The following TTC28 variants were observed in gnomAD, a reference collection of about 807,000 sequenced individuals.
TTC28 encodes the protein tetratricopeptide repeat protein 28.
Under a neutral mutation model 198.0 loss-of-function variants are expected in TTC28, and 61 were observed. The ratio of observed to expected loss-of-function variants is 0.31; its 90% CI spans 0.25 to 0.38. The LOEUF is 0.38. Ranked by LOEUF, TTC28 falls within the 10% of genes least tolerant of loss-of-function variation. The pLI, the probability that TTC28 is intolerant of heterozygous loss-of-function variation, is 1.00. For synonymous variants in TTC28, 1,171 were observed against 1,297.8 expected (o/e 0.90, Z 2.10); for missense variants, 2,678 against 3,164.0 (o/e 0.85, Z 3.69).
chr22:28,615,714 A>G (rs2050893821), intron 2 of TTC28, among the ~76,000 whole-genome samples: 1 of 134,184 alleles, frequency 7.5e-6, no homozygotes, highest in South Asian at 2.5e-4. Context: ...CAAAGACCAC[A>G]TGTTTGCACT....
intron 2 of TTC28, among the ~76,000 whole-genome samples, chr22:28,375,946 C>A (rs1182557652): frequency 6.6e-6 from 1 of 152,144 alleles, no homozygotes; most frequent in Admixed American, 6.5e-5. Context: ...GGTTCTTAGG[C>A]CTTTAGCCTT....
At chr22:28,162,955 G>T in intron 6 of TTC28, 137 bp downstream of exon 6, 1 of 1,224,656 alleles carries the variant, frequency 8.2e-7, no homozygotes, top group South Asian at 1.6e-5. Flanking sequence ...AAAAGAAAAG[G>T]AAAAGAAAAG....
At chr22:28,181,389 T>C (rs183877775) in intron 5 of TTC28, among the ~76,000 whole-genome samples, 108 of 152,318 alleles carry the variant, frequency 7.1e-4, no homozygotes, top group Admixed American at 1.2e-3. Flanking sequence ...GTGCAATTTA[T>C]AGGTCATAAG....
intron 1 of TTC28, among the ~76,000 whole-genome samples, chr22:28,642,409 T>A (rs1225043055): frequency 6.9e-6 from 1 of 145,504 alleles, no homozygotes; most frequent in Admixed American, 6.9e-5. Flanking sequence ...GAATAGATAA[T>A]AACAGTATAA....
At chr22:28,134,714 A>C (rs1279074400) in intron 6 of TTC28, among the ~76,000 whole-genome samples, 4 of 152,070 alleles carry the variant, frequency 2.6e-5, no homozygotes, top group African/African-American at 9.7e-5. Context: ...GACCAAATCT[A>C]CGTCTGACTG....
chr22:28,259,577 T>C (rs1034280784), intron 5 of TTC28, among the ~76,000 whole-genome samples: 4 of 152,052 alleles, frequency 2.6e-5, no homozygotes, highest in Admixed American at 2.0e-4. Context: ...GTATGGACTA[T>C]TGTAGATAAC....
Position 28,659,986 on chromosome 22 carries a change from G to T in TTC28, c.102+19636C>A, listed in dbSNP as rs543710001. ...ACTAATTTTTGTATTTTGGAGATGG[G>T]GTTTCATCATGTTGCCCAGGCTGAC... On this transcript the variant is annotated intron_variant, in intron 1 of 22. Transcript: ENST00000397906. 4.6e-5 allele frequency among the ~76,000 whole-genome samples: 7 copies of T among 151,442 alleles called. No individual in the cohort carries two copies. The South Asian group carries it at 1.5e-3, about 32-fold the overall frequency.
chr22:28,307,013 C>G (rs1359282625), intron 2 of TTC28, among the ~76,000 whole-genome samples: 1 of 152,106 alleles, frequency 6.6e-6, no homozygotes, highest in Non-Finnish European at 1.5e-5. Context: ...ACCTAAGTAT[C>G]TAGTACAGTG....
intron 12 of TTC28, among the ~76,000 whole-genome samples, chr22:28,051,031 T>C (rs1014545455): frequency 1.3e-5 from 2 of 152,166 alleles, no homozygotes; most frequent in Admixed American, 6.5e-5. Flanking sequence ...ACTGAGTCTA[T>C]TTGGTCTCGA....
chr22:28,551,785 A>C (rs555070888), intron 2 of TTC28, among the ~76,000 whole-genome samples: 1 of 152,364 alleles, frequency 6.6e-6, no homozygotes, highest in African/African-American at 2.4e-5. Flanking sequence ...TTAACAAAGA[A>C]AACTTGAAAG....
intron 5 of TTC28, among the ~76,000 whole-genome samples, chr22:28,289,533 C>T (rs1043001103): frequency 2.6e-5 from 4 of 152,018 alleles, no homozygotes; most frequent in Non-Finnish European, 5.9e-5. Context: ...CTGAGAGCAA[C>T]AGTAGAAAAG....
chr22:28,440,106 G>T (rs1032731608), intron 2 of TTC28, among the ~76,000 whole-genome samples: 1 of 152,204 alleles, frequency 6.6e-6, no homozygotes, highest in Non-Finnish European at 1.5e-5. Context: ...AAAGTGCTGG[G>T]ATTACAGGCG....
At chr22:27,986,585 C>T (rs931859556) in intron 21 of TTC28, among the ~76,000 whole-genome samples, 3 of 152,170 alleles carry the variant, frequency 2.0e-5, no homozygotes, top group African/African-American at 7.2e-5. Flanking sequence ...TGGGTACCTA[C>T]GATGCCACAC....
At chr22:28,579,527 ATAAC>A (rs1456621462) in intron 2 of TTC28, among the ~76,000 whole-genome samples, 1 of 149,324 alleles carries the variant, frequency 6.7e-6, no homozygotes, top group Admixed American at 6.7e-5. Flanking sequence ...ATAGTTATAT[ATAAC>A]TATATATTCA....
intron 12 of TTC28, among the ~76,000 whole-genome samples, chr22:28,066,304 GGT>G (rs1555910369): frequency 5.5e-4 from 81 of 147,132 alleles, no homozygotes; most frequent in Middle Eastern, 3.6e-3. Context: ...GTGTGTGTGT[GGT>G]GTGTGTGTGT....
intron 5 of TTC28, among the ~76,000 whole-genome samples, chr22:28,183,976 T>G (rs576567668): frequency 1.3e-5 from 2 of 152,332 alleles, no homozygotes; most frequent in East Asian, 3.9e-4. Flanking sequence ...TAACAACTAC[T>G]GATTCTGTTC....
chr22:28,308,877 C>T (rs1042174192), intron 2 of TTC28, among the ~76,000 whole-genome samples: 1 of 152,116 alleles, frequency 6.6e-6, no homozygotes, highest in African/African-American at 2.4e-5. Flanking sequence ...CTGTTAAAAG[C>T]TTAGGATTGT....
chr22:28,643,992 T>G (rs760361309), intron 1 of TTC28, among the ~76,000 whole-genome samples: 1 of 152,116 alleles, frequency 6.6e-6, no homozygotes, highest in African/African-American at 2.4e-5. Context: ...GGTGTGAAAG[T>G]GTAACAGGGT....
At chr22:28,052,654 T>C (rs1470969709) in intron 12 of TTC28, among the ~76,000 whole-genome samples, 6 of 152,220 alleles carry the variant, frequency 3.9e-5, no homozygotes, top group Admixed American at 3.9e-4. Context: ...GTGTAGGTAA[T>C]ACAAAAAAAT....
Sources: gnomAD v4.1 joint callset for allele counts (sites outside exome capture counted in the v4.1 genomes callset) on GRCh38, gnomAD v4.1.1 for gene constraint, MANE v1.5 for transcripts, NCBI Gene and HGNC (gene_info 2026-07-23, HGNC 2026-07-21) for gene names.